Variants in CDH23 observed in about 807,000 individuals in gnomAD.
CDH23 encodes cadherin-23.
CDH23 carries 189 observed loss-of-function variants against 317.1 expected under a neutral mutation model. The observed-to-expected ratio is 0.60, with a 90% confidence interval of 0.53 to 0.67. The LOEUF is 0.67. Ranked by LOEUF, CDH23 falls within the 30% of genes least tolerant of loss-of-function variation. CDH23 has a pLI of 0.00. For synonymous variants in CDH23, 1,839 were observed against 1,876.8 expected (o/e 0.98, Z 0.52); for missense variants, 4,401 against 4,592.4 (o/e 0.96, Z 1.20).
At position 71,770,989 on chromosome 10, in the gene CDH23, G is replaced by T. The variant is rs183723210; in HGVS notation, c.4846-6691G>T. ...TTTCCTAAGAGCTGACCATTGCTGC[G>T]TCAGAGGCTTGCAGCACTGGGTTAC... is the stretch of plus-strand genomic sequence containing the variant. On this transcript the variant is annotated intron_variant, in intron 38 of 69. Transcript: ENST00000224721. Among the ~76,000 whole-genome samples, 70 of 152,288 alleles carry T rather than the reference G, an allele frequency of 4.6e-4. 1 individual carries two copies. Among genetic ancestry groups the T allele is most frequent in the African/African-American group, 1.6e-3 (66 of 41,560 alleles).
chr10:71,421,215 C>G (rs1178036061), intron 1 of CDH23, among the ~76,000 whole-genome samples: 1 of 152,218 alleles, frequency 6.6e-6, no homozygotes, highest in African/African-American at 2.4e-5. Flanking sequence ...GGGTAATGCC[C>G]GGTCAGACAG....
intron 9 of CDH23, among the ~76,000 whole-genome samples, chr10:71,608,857 C>A (rs1860685497): frequency 6.6e-6 from 1 of 152,178 alleles, no homozygotes; most frequent in African/African-American, 2.4e-5. Context: ...GGGCAGTTCC[C>A]AGGCCGAGTG....
intron 3 of CDH23, among the ~76,000 whole-genome samples, chr10:71,504,448 C>T (rs1853520759): frequency 6.6e-6 from 1 of 152,230 alleles, no homozygotes. Context: ...TTTTGATTAT[C>T]CATTCATCTG....
chr10:71,511,681 G>A (rs1853998086), intron 6 of CDH23: 1 of 257,730 alleles, frequency 3.9e-6, no homozygotes, highest in Non-Finnish European at 7.7e-6. Flanking sequence ...TGGTCTCCCA[G>A]GCCCCTGTAC....
At position 71,646,665 on chromosome 10, in the gene CDH23, T is replaced by G. The variant is rs759776496; in HGVS notation, c.1449+48T>G. The G allele has an allele frequency of 2.5e-6, 4 of 1,613,950 alleles. No individual in the cohort carries two copies. The East Asian group carries it at 8.9e-5, about 36-fold the overall frequency. On this transcript the variant is annotated intron_variant, in intron 14 of 69. Transcript: ENST00000224721. The stretch of plus-strand genomic sequence containing the variant: ...GGCCACTGAGCTCTCCAGGGCCGAC[T>G]GTGGTGAGGCACCCAGAGGGATTTT...
intron 9 of CDH23, among the ~76,000 whole-genome samples, chr10:71,589,755 C>T (rs1859342933): frequency 6.6e-6 from 1 of 152,216 alleles, no homozygotes; most frequent in Non-Finnish European, 1.5e-5. Context: ...CCTGCCCTAA[C>T]ATTCTCCTGC....
chr10:71,803,307 G>A lies in CDH23; in HGVS notation c.7759G>A (p.Gly2587Arg), dbSNP rs760686178. The A allele has an allele frequency of 1.3e-6, 2 of 1,591,062 alleles. No individual in the cohort carries two copies. The highest frequency in any genetic ancestry group is 1.7e-4 in the Middle Eastern group (1 of 6,058). ...TCTGACCGTGGTGGCCACAGATGGT[G>A]GAGAGCCCCCACTCTGGGGCACCAC... Reference protein sequence around the residue: ...FSLTVVATDGGEPPLWGTTML... With the variant: ...FSLTVVATDGREPPLWGTTML... The change falls in exon 55 of 70, where the codon GGA becomes AGA. Residue 2587 changes from glycine (G) to arginine (R), a missense_variant. By Grantham distance (125) the Gly-to-Arg change is moderately radical (BLOSUM62 -2). Around this residue, in one of 3 missense-constraint regions of CDH23, gnomAD observed 1,144 missense variants for 1,138.2 expected, o/e 1.01. Coordinates refer to ENST00000224721, the MANE Select transcript of CDH23 (RefSeq NM_022124.6).
chr10:71,652,412 G>A (rs964307759), intron 14 of CDH23, among the ~76,000 whole-genome samples: 1 of 152,230 alleles, frequency 6.6e-6, no homozygotes, highest in African/African-American at 2.4e-5. Flanking sequence ...CTGCAGTGCT[G>A]GGTTGTTGGG....
At chr10:71,780,142 ATC>A (rs1840914571) in intron 41 of CDH23, among the ~76,000 whole-genome samples, 1 of 152,176 alleles carries the variant, frequency 6.6e-6, no homozygotes, top group African/African-American at 2.4e-5. Flanking sequence ...AGAAATCCAA[ATC>A]TTTGTGAAAC....
At chr10:71,687,091 G>A (rs148114605) in intron 18 of CDH23, among the ~76,000 whole-genome samples, 5 of 152,296 alleles carry the variant, frequency 3.3e-5, no homozygotes, top group East Asian at 1.9e-4. Context: ...TGGAAGAGCC[G>A]TTGTTCTCAT....
intron 38 of CDH23, among the ~76,000 whole-genome samples, chr10:71,765,996 C>T (rs1840533336): frequency 6.6e-6 from 1 of 152,130 alleles, no homozygotes; most frequent in Admixed American, 6.5e-5. Context: ...AGCAGCCTGT[C>T]GTTAGGAGGA....
chr10:71,622,857 C>A (rs920334108), intron 11 of CDH23: 11 of 852,834 alleles, frequency 1.3e-5, no homozygotes, highest in Non-Finnish European at 1.6e-5. Context: ...TCTTCCCCAC[C>A]CCAGAGAGGC....
intron 6 of CDH23, among the ~76,000 whole-genome samples, chr10:71,526,107 G>A (rs1251923504): frequency 6.6e-6 from 1 of 152,204 alleles, no homozygotes; most frequent in Admixed American, 6.5e-5. Flanking sequence ...TGAGGGGGTG[G>A]AGCAGGGGGT....
intron 38 of CDH23, among the ~76,000 whole-genome samples, chr10:71,773,078 C>G (rs1254808859): frequency 1.3e-5 from 2 of 150,754 alleles, no homozygotes; most frequent in Non-Finnish European, 2.9e-5. Context: ...GTTCTCTGGG[C>G]AGGGAAGGGC....
chr10:71,397,199 G>A lies in CDH23; in HGVS notation c.-125G>A. ...GCCGGCACGCCGCGGATGAGCCTTC[G>A]CGCCGGCGGGAAGACGCGGCGGTGG... On this transcript the variant is annotated 5_prime_UTR_variant, in exon 1 of 70. Transcript: ENST00000224721. The surrounding 1 kb of genome is among the most constrained non-coding windows in gnomAD (Gnocchi z 4.8). 1 of 242,324 alleles carries A rather than the reference G, an allele frequency of 4.1e-6. No homozygotes were observed. Among genetic ancestry groups the A allele is most frequent in the Non-Finnish European group, 8.3e-6 (1 of 120,936 alleles). The allele number at this position is 242,324 out of a possible 1,614,324, so 15.0% of individuals were successfully genotyped here.
rs185023593 is a variant in CDH23 at position 71,521,004 on chromosome 10, T to C, written c.429+9792T>C. Among the ~76,000 whole-genome samples, 5 of 152,244 alleles carry C rather than the reference T, an allele frequency of 3.3e-5. No homozygotes were observed. The South Asian group carries it at 6.2e-4, about 19-fold the overall frequency. The stretch of plus-strand genomic sequence containing the variant: ...TGATTCCTTAGCAGCCTTTAATTAC[T>C]TAGCAACTTTGTGGTGTTGGCTGGA... On this transcript the variant is annotated intron_variant, in intron 6 of 69. Coordinates refer to ENST00000224721, the MANE Select transcript of CDH23 (RefSeq NM_022124.6).
chr10:71,403,845 T>G (rs976493188), intron 1 of CDH23, among the ~76,000 whole-genome samples: 2 of 152,028 alleles, frequency 1.3e-5, no homozygotes, highest in African/African-American at 4.8e-5. Flanking sequence ...ATCCCAGTAC[T>G]TTGGGAGGCC....
At chr10:71,427,246 G>C (rs533136316) in intron 1 of CDH23, among the ~76,000 whole-genome samples, 1 of 17,318 alleles carries the variant, frequency 5.8e-5, no homozygotes, top group Non-Finnish European at 1.6e-4. Context: ...AGAAAGAAAG[G>C]GAAAGAAAGA....
In CDH23 at chr10:71,702,174, C is replaced by T. The variant is rs557676656; in HGVS notation, c.2550C>T (p.Ala850=). ...GGGAGAACCCCGACCCCCATGAGGC[C>T]GAGCTGATGCGCAAAATCGTCGTCT... The part of the protein sequence containing the change: ...LDRENPDPHE[A]ELMRKIVVSV... The change falls in exon 23 of 70, where the codon GCC becomes GCT. Residue 850 remains alanine (A), a synonymous_variant. Transcript: ENST00000224721. The T allele has an allele frequency of 3.0e-5, 49 of 1,613,856 alleles. No homozygotes were observed. The highest frequency in any genetic ancestry group is 1.9e-4 in the South Asian group (17 of 91,078).
Sources: allele counts gnomAD v4.1 joint callset (sites outside exome capture counted in the v4.1 genomes callset), GRCh38; gene constraint gnomAD v4.1.1; regional missense constraint gnomAD v4.1.1; non-coding constraint Gnocchi (gnomAD v3.1); transcripts MANE v1.5; gene names NCBI Gene and HGNC (gene_info 2026-07-23, HGNC 2026-07-21).